Variants in DNAH9 observed in about 807,000 individuals in gnomAD.
The protein encoded by DNAH9 is dynein axonemal heavy chain 9, also known as DNAH9 variant protein.
A neutral mutation model predicts 471.6 loss-of-function variants in DNAH9; 345 were observed. The ratio of observed to expected loss-of-function variants is 0.73; its 90% confidence interval spans 0.67 to 0.80. DNAH9 has a LOEUF of 0.80. Among genes scored for constraint, DNAH9 ranks in the 30% least tolerant of loss-of-function variants. The probability of loss-of-function intolerance (pLI) is 0.00; values close to 1 mark genes in which losing one functional copy is unlikely to be tolerated. For synonymous variants in DNAH9, 2,093 were observed against 2,123.6 expected (o/e 0.99, Z 0.40); for missense variants, 5,407 against 5,609.2 (o/e 0.96, Z 1.15).
intron 59 of DNAH9, among the ~76,000 whole-genome samples, chr17:11,894,786 G>A (rs951277828): frequency 2.6e-5 from 4 of 152,158 alleles, no homozygotes; most frequent in Admixed American, 1.3e-4. Flanking sequence ...ACCTACCAGG[G>A]CTTAAGGCTG....
rs150217311 is a variant in DNAH9 at position 11,628,238 on chromosome 17, T to A, written c.1351-1179T>A. On this transcript the variant is annotated intron_variant, in intron 6 of 68. Coordinates refer to ENST00000262442, the MANE Select transcript of DNAH9 (RefSeq NM_001372.4). ...AAGAGATAAATTCAATCTGTCCTGC[T>A]AGACGTGCTCAGGAGGAAGCTCCAA... 3.2e-4 allele frequency among the ~76,000 whole-genome samples: 48 copies of A among 152,350 alleles called. 1 individual carries two copies. In the East Asian group the frequency reaches 7.1e-3, roughly 23 times the overall value.
At chr17:11,741,672 G>T (rs1006318235) in intron 29 of DNAH9, among the ~76,000 whole-genome samples, 3 of 151,478 alleles carry the variant, frequency 2.0e-5, no homozygotes, top group Non-Finnish European at 4.4e-5. Flanking sequence ...TTACATTTGT[G>T]TTCAAATAAG....
chr17:11,763,000 C>T (rs1250416560), intron 35 of DNAH9, among the ~76,000 whole-genome samples: 2 of 151,830 alleles, frequency 1.3e-5, no homozygotes, highest in African/African-American at 2.4e-5. Context: ...AGAATGGTCT[C>T]GATCTCCTGA....
chr17:11,788,658 T>C (rs1968958157), intron 41 of DNAH9, among the ~76,000 whole-genome samples: 1 of 152,198 alleles, frequency 6.6e-6, no homozygotes, highest in Non-Finnish European at 1.5e-5. Flanking sequence ...TCTCTATTTT[T>C]AATAATTGTT....
At chr17:11,713,181 G>A (rs1327205360) in intron 26 of DNAH9, among the ~76,000 whole-genome samples, 1 of 152,074 alleles carries the variant, frequency 6.6e-6, no homozygotes, top group Non-Finnish European at 1.5e-5. Context: ...GCATTAGTTT[G>A]CTAAGGATAA....
intron 14 of DNAH9, among the ~76,000 whole-genome samples, chr17:11,656,078 C>A (rs764384866): frequency 6.6e-6 from 1 of 152,014 alleles, no homozygotes; most frequent in Non-Finnish European, 1.5e-5. Context: ...AGGTAGATAC[C>A]CAGTAGTGGG....
At chr17:11,675,018 A>C (rs1026662434) in intron 17 of DNAH9, among the ~76,000 whole-genome samples, 1 of 152,142 alleles carries the variant, frequency 6.6e-6, no homozygotes, top group Non-Finnish European at 1.5e-5. Flanking sequence ...AAAATCTTTT[A>C]GGATTTTAAT....
At chr17:11,707,124 G>A (rs1487727709) in intron 26 of DNAH9, among the ~76,000 whole-genome samples, 1 of 152,154 alleles carries the variant, frequency 6.6e-6, no homozygotes, top group East Asian at 1.9e-4. Flanking sequence ...TGAGATTTCT[G>A]TAAATTCTGC....
chr17:11,892,830 A>C lies in DNAH9; in HGVS notation c.11283+883A>C, dbSNP rs542263077. On this transcript the variant is annotated intron_variant, in intron 58 of 68. Transcript: ENST00000262442. The surrounding 1 kb of genome is among the most constrained non-coding windows in gnomAD (Gnocchi z 4.3). The stretch of plus-strand genomic sequence containing the variant: ...CGGCCTACCAAAGTGCTGGGATTAC[A>C]GGCATGAGCCATTGCATCTGGCCTA... Among the ~76,000 whole-genome samples the C allele has an allele frequency of 4.1e-4, 63 of 152,242 alleles. No homozygotes were observed. The South Asian group carries it at 8.7e-3, about 21-fold the overall frequency.
Position 11,689,920 on chromosome 17 carries a change from G to C in DNAH9, c.4098G>C (p.Thr1366=), listed in dbSNP as rs144808055. 3.1e-6 allele frequency: 5 copies of C among 1,609,404 alleles called. No homozygotes were observed. The highest frequency in any genetic ancestry group is 4.2e-6 in the Non-Finnish European group (5 of 1,177,754). The part of the protein sequence containing the change: ...FTGLESTVWN[T]LSSLRAVAEL... Reference sequence around the variant, plus strand: ...GCCTGGAAAGCACTGTGTGGAACACGCTGAGCTCCCTGAGGGCAGTAGCTG... The same window carrying C: ...GCCTGGAAAGCACTGTGTGGAACACCCTGAGCTCCCTGAGGGCAGTAGCTG... Residue 1366 remains threonine (T), a synonymous_variant, in exon 20 of 69, where the codon ACG becomes ACC. Transcript: ENST00000262442.
chr17:11,937,202 G>A lies in DNAH9; in HGVS notation c.12490-150G>A. The A allele has an allele frequency of 2.2e-6, 2 of 899,798 alleles. No homozygotes were observed. The highest frequency in any genetic ancestry group is 3.3e-6 in the Non-Finnish European group (2 of 613,448). 55.7% of individuals were successfully genotyped at this position (899,798 alleles called of 1,614,324 possible). ...TGATGTCAAGGTGCACTAATAGGTG[G>A]AGAGGGTGATGAAGTCAACCAGGGA... is the stretch of plus-strand genomic sequence containing the variant. On this transcript the variant is annotated intron_variant, in intron 65 of 68. Transcript: ENST00000262442. The surrounding 1 kb of genome is among the most constrained non-coding windows in gnomAD (Gnocchi z 4.1).
chr17:11,907,199 G>A (rs1253834084), intron 61 of DNAH9, among the ~76,000 whole-genome samples: 2 of 152,064 alleles, frequency 1.3e-5, no homozygotes, highest in Non-Finnish European at 2.9e-5. Context: ...GGCCGGGCAC[G>A]GTGGCTCACG....
intron 49 of DNAH9, among the ~76,000 whole-genome samples, chr17:11,843,535 A>G (rs1597723857): frequency 6.6e-6 from 1 of 151,842 alleles, no homozygotes; most frequent in Non-Finnish European, 1.5e-5. Flanking sequence ...ATTTACTTAA[A>G]AATAAAATAC....
chr17:11,716,065 T>A (rs893460002), intron 26 of DNAH9, among the ~76,000 whole-genome samples: 7 of 148,418 alleles, frequency 4.7e-5, no homozygotes, highest in Non-Finnish European at 1.0e-4. Flanking sequence ...AAATACTGCC[T>A]CTTTCTTTTT....
intron 65 of DNAH9, among the ~76,000 whole-genome samples, 181 bp downstream of exon 65, chr17:11,934,252 C>G (rs1974621043): frequency 6.6e-6 from 1 of 152,066 alleles, no homozygotes; most frequent in Non-Finnish European, 1.5e-5. Flanking sequence ...TCCTATGCCC[C>G]AAGCCTGCCC....
At chr17:11,899,227 T>A (rs1024464156) in intron 59 of DNAH9, among the ~76,000 whole-genome samples, 8 of 152,210 alleles carry the variant, frequency 5.3e-5, no homozygotes, top group Admixed American at 3.9e-4. Flanking sequence ...GAAGACTGAT[T>A]GCTTTGTTTC....
chr17:11,823,305 A>G (rs941896737), intron 48 of DNAH9, among the ~76,000 whole-genome samples: 1 of 152,108 alleles, frequency 6.6e-6, no homozygotes, highest in Non-Finnish European at 1.5e-5. Flanking sequence ...GTTCAGGCTG[A>G]GTTCCCCAGC....
At chr17:11,646,666 C>A (rs2073397620) in intron 11 of DNAH9, among the ~76,000 whole-genome samples, 1 of 152,136 alleles carries the variant, frequency 6.6e-6, no homozygotes, top group Non-Finnish European at 1.5e-5. Flanking sequence ...GTAATCCCAG[C>A]ACTTTAGGAG....
chr17:11,763,288 A>T, intron 35 of DNAH9, 152 bp from the exon 36 acceptor site: 1 of 670,108 alleles, frequency 1.5e-6, no homozygotes, highest in Non-Finnish European at 2.6e-6. Flanking sequence ...TGATGAGAAT[A>T]AAGGCTTAAG....
Sources: allele counts gnomAD v4.1 joint callset (sites outside exome capture counted in the v4.1 genomes callset), GRCh38; gene constraint gnomAD v4.1.1; non-coding constraint Gnocchi (gnomAD v3.1); transcripts MANE v1.5; gene names NCBI Gene and HGNC (gene_info 2026-07-23, HGNC 2026-07-21).